The following CCDC85C variants were observed in gnomAD, a reference collection of about 807,000 sequenced individuals.
CCDC85C encodes coiled-coil domain-containing protein 85C.
A neutral mutation model predicts 38.3 loss-of-function variants in CCDC85C; 18 were observed. The observed-to-expected ratio is 0.47, with a 90% CI of 0.33 to 0.70. CCDC85C has a LOEUF of 0.70. Ranked by LOEUF, CCDC85C falls within the 30% of genes least tolerant of loss-of-function variation. The probability of loss-of-function intolerance (pLI) is 0.03; values close to 1 mark genes in which losing one functional copy is unlikely to be tolerated. For missense variants in CCDC85C, 566 were observed against 621.2 expected, an observed-to-expected ratio of 0.91 and a Z score of 0.94; for synonymous variants, 264 against 293.8, an observed-to-expected ratio of 0.90 and a Z score of 1.04.
intron 1 of CCDC85C, among the ~76,000 whole-genome samples, chr14:99,584,416 A>C (rs1433410186): frequency 6.6e-6 from 1 of 152,168 alleles, no homozygotes; most frequent in Non-Finnish European, 1.5e-5. Context: ...GCCCCCATCC[A>C]GGCAGGGTGC....
At position 99,503,225 on chromosome 14, in the gene CCDC85C, C is replaced by A. The variant is rs1896884647; in HGVS notation, c.*12021G>T. 2 of 675,236 alleles carry A rather than the reference C, an allele frequency of 3.0e-6. No individual in the cohort carries two copies. Among genetic ancestry groups the A allele is most frequent in the Non-Finnish European group, 5.4e-6 (2 of 373,546 alleles). 41.8% of individuals were successfully genotyped at this position (675,236 alleles called of 1,614,324 possible). A position where few individuals can be genotyped will look rare whatever the true frequency, so the allele number is the denominator to read the frequency against. On this transcript the variant is annotated 3_prime_UTR_variant, in exon 6 of 6. Transcript: ENST00000380243. Reference sequence around the variant, plus strand: ...GCTCCAGCCCTGCTGCCTGTTTCATCCCTGCCAGGGTTCTGAAGCCTGTCG... The same window carrying A: ...GCTCCAGCCCTGCTGCCTGTTTCATACCTGCCAGGGTTCTGAAGCCTGTCG...
rs551714233 is a variant in CCDC85C, at chr14:99,555,283, A to G, written c.794-19195T>C. Among the ~76,000 whole-genome samples the G allele has an allele frequency of 5.9e-5, 9 of 152,306 alleles. No homozygotes were observed. In the East Asian group the frequency reaches 1.5e-3, roughly 26 times the overall value. On this transcript the variant is annotated intron_variant, in intron 1 of 5. Transcript: ENST00000380243. ...CCTCAGAGCCTCATGGGATGGGACA[A>G]GTGGGCCTTAAAGGTCAGCCTGTCC...
In CCDC85C at chr14:99,572,702, G is replaced by A. The variant is rs1250689688; in HGVS notation, c.793+30465C>T. On this transcript the variant is annotated intron_variant, in intron 1 of 5. Coordinates refer to ENST00000380243, the MANE Select transcript of CCDC85C (RefSeq NM_001144995.2). The surrounding 1 kb of genome is among the most constrained non-coding windows in gnomAD (Gnocchi z 4.4). ...CCTCCCCTGCCACCATCTGTTTTCT[G>A]CTCTTCCTAGCACTCACCAGGATAT... 2.2e-6 allele frequency: 1 copy of A among 455,912 alleles called. No individual in the cohort carries two copies. The highest frequency in any genetic ancestry group is 4.4e-6 in the Non-Finnish European group (1 of 226,782). The allele number at this position is 455,912 out of a possible 1,614,324, so 28.2% of individuals were successfully genotyped here. A position where few individuals can be genotyped will look rare whatever the true frequency, so the allele number is the denominator to read the frequency against.
intron 1 of CCDC85C, among the ~76,000 whole-genome samples, chr14:99,589,204 G>C (rs371172347): frequency 1.3e-5 from 2 of 151,162 alleles, no homozygotes; most frequent in African/African-American, 4.9e-5. Context: ...ACACAGCCAC[G>C]GCCGGGATCA....
Position 99,569,938 on chromosome 14 carries a change from G to A in CCDC85C, c.793+33229C>T, listed in dbSNP as rs572627000. 6.6e-6 allele frequency among the ~76,000 whole-genome samples: 1 copy of A among 152,070 alleles called. No homozygotes were observed. The highest frequency in any genetic ancestry group is 1.5e-5 in the Non-Finnish European group (1 of 67,980). ...GATAGTGTCACTGCACTCCAGCCTG[G>A]GTGACACAGCAACACACTGTCTCAA... On this transcript the variant is annotated intron_variant, in intron 1 of 5. Transcript: ENST00000380243. The surrounding 1 kb of genome is among the most constrained non-coding windows in gnomAD (Gnocchi z 4.3).
In CCDC85C at chr14:99,502,884, A is replaced by G; in HGVS notation, c.*12362T>C. 1 of 1,613,444 alleles carries G rather than the reference A, an allele frequency of 6.2e-7. No homozygotes were observed. The highest frequency in any genetic ancestry group is 8.5e-7 in the Non-Finnish European group (1 of 1,179,586). ...AGCTCCGAACCATCCCAGCCCCAGC[A>G]GAAGGACCCCCAGCAACCAGCCCAG... On this transcript the variant is annotated 3_prime_UTR_variant, in exon 6 of 6. Transcript: ENST00000380243.
At chr14:99,517,464 A>G (rs892020876) in intron 3 of CCDC85C, among the ~76,000 whole-genome samples, 1 of 152,202 alleles carries the variant, frequency 6.6e-6, no homozygotes, top group Non-Finnish European at 1.5e-5. Flanking sequence ...AGGCTCCTCT[A>G]CAACACCCCA....
At chr14:99,567,312 C>A (rs934382355) in intron 1 of CCDC85C, among the ~76,000 whole-genome samples, 1 of 152,204 alleles carries the variant, frequency 6.6e-6, no homozygotes, top group Non-Finnish European at 1.5e-5. Flanking sequence ...AGGAACACAG[C>A]AGATGGGACT....
Position 99,515,028 on chromosome 14 carries a change from T to C in CCDC85C, c.*218A>G. On this transcript the variant is annotated 3_prime_UTR_variant, in exon 6 of 6. Transcript: ENST00000380243. The stretch of plus-strand genomic sequence containing the variant: ...CTGCTGCAGGAACAGTCGCAGCGTC[T>C]CGTCTTCCCAGGTTGCTGGTGTATG... 1 of 511,710 alleles carries C rather than the reference T, an allele frequency of 2.0e-6. No individual in the cohort carries two copies. Among genetic ancestry groups the C allele is most frequent in the Non-Finnish European group, 3.5e-6 (1 of 282,730 alleles). The allele number at this position is 511,710 out of a possible 1,614,324, so 31.7% of individuals were successfully genotyped here.
rs3918118 is a variant in CCDC85C at position 99,509,053 on chromosome 14, G to A, written c.*6193C>T. 721 of 152,336 alleles carry A rather than the reference G, an allele frequency of 4.7e-3. 4 individuals are homozygous for A. The highest frequency in any genetic ancestry group is 6.9e-3 in the Non-Finnish European group (470 of 68,048). The allele number at this position is 152,336 out of a possible 1,614,324, so 9.4% of individuals were successfully genotyped here. A position where few individuals can be genotyped will look rare whatever the true frequency, so the allele number is the denominator to read the frequency against. On this transcript the variant is annotated 3_prime_UTR_variant, in exon 6 of 6. Coordinates refer to ENST00000380243, the MANE Select transcript of CCDC85C (RefSeq NM_001144995.2). The stretch of plus-strand genomic sequence containing the variant: ...GCACACCAGTGGCACACCTGTTACC[G>A]ACCTGATGAAATCCTGCTCATGCTC...
intron 1 of CCDC85C, among the ~76,000 whole-genome samples, chr14:99,586,060 G>T (rs1014500526): frequency 6.6e-6 from 1 of 152,230 alleles, no homozygotes; most frequent in African/African-American, 2.4e-5. Context: ...GGCTGGAGGG[G>T]AGCTCAGGGT....
intron 1 of CCDC85C, among the ~76,000 whole-genome samples, chr14:99,579,531 C>T (rs1030609562): frequency 1.3e-5 from 2 of 152,246 alleles, no homozygotes. Flanking sequence ...GCATGTGTTC[C>T]CAGCTGCCCC....
intron 3 of CCDC85C, among the ~76,000 whole-genome samples, chr14:99,518,647 C>T (rs1406107722): frequency 1.3e-5 from 2 of 152,206 alleles, no homozygotes; most frequent in African/African-American, 2.4e-5. Context: ...GCACCTACAC[C>T]TTCCTGCACC....
rs1374897881 is a variant in CCDC85C, at chr14:99,511,904, G to C, written c.*3342C>G. 1 of 152,406 alleles carries C rather than the reference G, an allele frequency of 6.6e-6. No individual in the cohort carries two copies. Among genetic ancestry groups the C allele is most frequent in the Non-Finnish European group, 1.5e-5 (1 of 68,054 alleles). The allele number at this position is 152,406 out of a possible 1,614,324, so 9.4% of individuals were successfully genotyped here. A position where few individuals can be genotyped will look rare whatever the true frequency, so the allele number is the denominator to read the frequency against. On this transcript the variant is annotated 3_prime_UTR_variant, in exon 6 of 6. Transcript: ENST00000380243. ...GCAGCGGCCTCACTGTCCACCTTGA[G>C]GGGCCACGGCTCTGTCTGTGGAAGG...
chr14:99,515,747 C>T (rs1391304003), intron 5 of CCDC85C, among the ~76,000 whole-genome samples: 1 of 152,162 alleles, frequency 6.6e-6, no homozygotes, highest in Non-Finnish European at 1.5e-5. Context: ...CGGAGCTCTC[C>T]TGGGCAGCCC....
At chr14:99,515,359 G>A (rs1265006006) in intron 5 of CCDC85C, 24 bp from the exon 6 acceptor site, 1 of 1,532,782 alleles carries the variant, frequency 6.5e-7, no homozygotes, top group South Asian at 1.2e-5. Context: ...AGAGATGTGA[G>A]TGGTGGGACT....
At chr14:99,597,572 GC>G (rs1339555364) in intron 1 of CCDC85C, among the ~76,000 whole-genome samples, 2 of 152,126 alleles carry the variant, frequency 1.3e-5, no homozygotes, top group African/African-American at 4.8e-5. Context: ...GGCCACTCTT[GC>G]TTGTGGGCAC....
chr14:99,541,266 C>T (rs189317920), intron 1 of CCDC85C, among the ~76,000 whole-genome samples: 1 of 152,192 alleles, frequency 6.6e-6, no homozygotes, highest in Non-Finnish European at 1.5e-5. Flanking sequence ...ATGAGCTCCT[C>T]AGGAGCGCTC....
chr14:99,578,048 A>AGTGT (rs747729825), intron 1 of CCDC85C, among the ~76,000 whole-genome samples: 4 of 108,414 alleles, frequency 3.7e-5, no homozygotes, highest in African/African-American at 4.2e-5. Context: ...ATCCCCCATC[A>AGTGT]GAGTGTGTGT....
Sources: gnomAD v4.1 joint callset for allele counts (sites outside exome capture counted in the v4.1 genomes callset) on GRCh38, gnomAD v4.1.1 for gene constraint, Gnocchi (gnomAD v3.1) non-coding constraint, MANE v1.5 for transcripts, NCBI Gene and HGNC (gene_info 2026-07-23, HGNC 2026-07-21) for gene names.